GPC5: variants seen among roughly 807,000 people sequenced by gnomAD.
GPC5 encodes the protein glypican-5.
In GPC5, 47 loss-of-function variants were observed where a neutral mutation model predicts 53.9. The observed-to-expected ratio is 0.87, with a 90% CI of 0.69 to 1.11. GPC5 has a LOEUF of 1.11. Among genes scored for constraint, GPC5 ranks in the 50% most tolerant of loss-of-function variants. The pLI is 0.00. For synonymous variants in GPC5, 286 were observed against 263.3 expected, an observed-to-expected ratio of 1.09 and a Z score of -0.84; for missense variants, 748 against 713.1, an observed-to-expected ratio of 1.05 and a Z score of -0.56.
chr13:91,534,508 T>C (rs1000300685), intron 2 of GPC5, among the ~76,000 whole-genome samples: 2 of 152,236 alleles, frequency 1.3e-5, no homozygotes, highest in Non-Finnish European at 2.9e-5. Flanking sequence ...GGGCAGTCCA[T>C]ACTGAGAAAG....
At chr13:92,613,735 A>G (rs1402697394) in intron 7 of GPC5, among the ~76,000 whole-genome samples, 3 of 145,946 alleles carry the variant, frequency 2.1e-5, no homozygotes, top group Non-Finnish European at 4.5e-5. Flanking sequence ...GTACATGCGT[A>G]TAGAACCAGG....
At chr13:92,416,446 C>G (rs917285388) in intron 7 of GPC5, among the ~76,000 whole-genome samples, 1 of 152,158 alleles carries the variant, frequency 6.6e-6, no homozygotes, top group Non-Finnish European at 1.5e-5. Context: ...ATAGGATCAA[C>G]AAGAGCTAAG....
At chr13:92,412,045 A>T (rs1406809827) in intron 7 of GPC5, among the ~76,000 whole-genome samples, 1 of 152,334 alleles carries the variant, frequency 6.6e-6, no homozygotes, top group Middle Eastern at 3.4e-3. Context: ...AACCTTTGAC[A>T]TACGGTTCTC....
chr13:92,396,528 A>T (rs1034850864), intron 7 of GPC5, among the ~76,000 whole-genome samples: 2 of 150,794 alleles, frequency 1.3e-5, no homozygotes, highest in African/African-American at 4.9e-5. Flanking sequence ...ATGACTTTTT[A>T]AAAAATTTTA....
intron 2 of GPC5, among the ~76,000 whole-genome samples, chr13:91,527,682 T>G (rs1367435859): frequency 6.6e-6 from 1 of 152,262 alleles, no homozygotes; most frequent in Non-Finnish European, 1.5e-5. Flanking sequence ...CTAATAGAGA[T>G]TCTTCAGGAG....
intron 5 of GPC5, among the ~76,000 whole-genome samples, chr13:91,885,555 G>A (rs1859149790): frequency 6.6e-6 from 1 of 152,110 alleles, no homozygotes. Flanking sequence ...CCATTCTCGA[G>A]GTGAAAACTG....
At chr13:92,446,463 T>C (rs946519251) in intron 7 of GPC5, 8 of 151,170 alleles carry the variant, frequency 5.3e-5, no homozygotes, top group African/African-American at 1.9e-4. Context: ...CAGGATACCA[T>C]TCTTTTTTTA....
chr13:91,506,187 A>T (rs1884933243), intron 2 of GPC5, among the ~76,000 whole-genome samples: 1 of 152,108 alleles, frequency 6.6e-6, no homozygotes. Context: ...CTTTCACTAT[A>T]TTCTATTTGC....
chr13:91,469,086 C>G (rs1882436454), intron 2 of GPC5, among the ~76,000 whole-genome samples: 1 of 151,430 alleles, frequency 6.6e-6, no homozygotes, highest in Non-Finnish European at 1.5e-5. Flanking sequence ...TCTCTCTTTT[C>G]TTTTTATTCT....
chr13:92,471,485 C>A (rs1284235981), intron 7 of GPC5, among the ~76,000 whole-genome samples: 1 of 151,916 alleles, frequency 6.6e-6, no homozygotes. Context: ...TATAGGTAAG[C>A]CATCCAGGCT....
rs576000912 is a variant in GPC5, at chr13:91,699,826, C to T, written c.1020+5945C>T. Among the ~76,000 whole-genome samples the T allele has an allele frequency of 1.1e-4, 17 of 152,236 alleles. No individual in the cohort carries two copies. In the East Asian group the frequency reaches 2.3e-3, roughly 21 times the overall value. On this transcript the variant is annotated intron_variant, in intron 3 of 7. Transcript: ENST00000377067. ...ATCTTTTCTAAAGGTTTTCACCCACCGACTTCTGGTCACTATATAGTGTTG... is the reference window on the plus strand; with the variant it reads ...ATCTTTTCTAAAGGTTTTCACCCACTGACTTCTGGTCACTATATAGTGTTG...
intron 7 of GPC5, among the ~76,000 whole-genome samples, chr13:92,253,657 T>A (rs193137184): frequency 6.6e-6 from 1 of 152,180 alleles, no homozygotes; most frequent in Non-Finnish European, 1.5e-5. Flanking sequence ...AATGAAAGTA[T>A]GTACATGAAG....
intron 5 of GPC5, among the ~76,000 whole-genome samples, chr13:91,880,261 T>C (rs755499247): frequency 3.2e-4 from 48 of 152,092 alleles, no homozygotes; most frequent in Non-Finnish European, 6.2e-4. Context: ...GTGTTTTTTG[T>C]CTTTAAAACA....
chr13:91,813,992 G>A (rs2038359422), intron 5 of GPC5, among the ~76,000 whole-genome samples: 1 of 140,678 alleles, frequency 7.1e-6, no homozygotes, highest in African/African-American at 2.7e-5. Context: ...GAGTGCAGTG[G>A]CGTGATCTCG....
At chr13:91,842,743 AT>A (rs2038804083) in intron 5 of GPC5, among the ~76,000 whole-genome samples, 1 of 148,860 alleles carries the variant, frequency 6.7e-6, no homozygotes, top group Non-Finnish European at 1.5e-5. Flanking sequence ...ATGTTATTTA[AT>A]TTCTATTCTC....
intron 5 of GPC5, among the ~76,000 whole-genome samples, chr13:91,815,114 C>G (rs2138815527): frequency 6.6e-6 from 1 of 152,130 alleles, no homozygotes; most frequent in African/African-American, 2.4e-5. Flanking sequence ...ACCTGTAATC[C>G]CAGCACTTTG....
intron 2 of GPC5, among the ~76,000 whole-genome samples, chr13:91,667,067 A>T (rs1480537334): frequency 6.6e-6 from 1 of 152,224 alleles, no homozygotes; most frequent in Admixed American, 6.5e-5. Context: ...GGTCTGTCTT[A>T]TTAAAGTTCT....
intron 6 of GPC5, among the ~76,000 whole-genome samples, chr13:92,000,712 C>T (rs910908166): frequency 1.3e-5 from 2 of 152,188 alleles, no homozygotes; most frequent in Non-Finnish European, 2.9e-5. Context: ...TCATTTAGCA[C>T]ATCCTCAGAT....
chr13:92,409,215 C>T (rs532329405), intron 7 of GPC5, among the ~76,000 whole-genome samples: 35 of 151,542 alleles, frequency 2.3e-4, no homozygotes, highest in African/African-American at 7.0e-4. Context: ...TAGGTAAGAA[C>T]GAAACCCCAG....
Sources: allele counts gnomAD v4.1 joint callset (sites outside exome capture counted in the v4.1 genomes callset), GRCh38; gene constraint gnomAD v4.1.1; transcripts MANE v1.5; gene names NCBI Gene and HGNC (gene_info 2026-07-23, HGNC 2026-07-21).